SPOP: variants seen among roughly 807,000 people sequenced by gnomAD.
SPOP encodes the protein speckle-type POZ protein.
In SPOP, 11 loss-of-function variants were observed where a neutral mutation model predicts 45.6. The ratio of observed to expected loss-of-function variants is 0.24; its 90% CI spans 0.15 to 0.40. SPOP has a LOEUF of 0.40. SPOP is among the 10% of genes least tolerant of loss of function. The pLI is 1.00. For synonymous variants in SPOP, 166 were observed against 166.3 expected, an observed-to-expected ratio of 1.00 and a Z score of 0.01; for missense variants, 152 against 465.6, an observed-to-expected ratio of 0.33 and a Z score of 6.20.
chr17:49,677,102 A>G (rs1010369579), intron 1 of SPOP, among the ~76,000 whole-genome samples: 1 of 152,234 alleles, frequency 6.6e-6, no homozygotes, highest in Non-Finnish European at 1.5e-5. Flanking sequence ...AGTTCTGCGA[A>G]TTAAGAATTT....
chr17:49,669,114 G>A (rs1291461719), intron 1 of SPOP, among the ~76,000 whole-genome samples: 1 of 129,160 alleles, frequency 7.7e-6, no homozygotes, highest in African/African-American at 3.0e-5. Context: ...TCGCCCAGGC[G>A]GGAGTGCAGT....
chr17:49,629,371 G>C (rs894839778), intron 1 of SPOP, among the ~76,000 whole-genome samples: 9 of 151,960 alleles, frequency 5.9e-5, no homozygotes, highest in African/African-American at 9.7e-5. Context: ...TATCAGATTT[G>C]CAATGTAATG....
chr17:49,633,380 G>A (rs569020779), intron 1 of SPOP, among the ~76,000 whole-genome samples: 3 of 152,190 alleles, frequency 2.0e-5, no homozygotes, highest in Non-Finnish European at 4.4e-5. Flanking sequence ...ATCAAGCCTC[G>A]GTGTGTGCTG....
chr17:49,642,124 A>AT (rs1567791296), intron 1 of SPOP, among the ~76,000 whole-genome samples: 1 of 152,178 alleles, frequency 6.6e-6, no homozygotes, highest in African/African-American at 2.4e-5. Flanking sequence ...GCAAATCAGC[A>AT]TAACTATTAT....
rs2143265727 is a variant in SPOP at position 49,619,130 on chromosome 17, T to G, written c.353-22A>C. 6.2e-7 allele frequency: 1 copy of G among 1,612,950 alleles called. No individual in the cohort carries two copies. Among genetic ancestry groups the G allele is most frequent in the Non-Finnish European group, 8.5e-7 (1 of 1,179,610 alleles). On this transcript the variant is annotated intron_variant, in intron 4 of 9. Transcript: ENST00000504102. This position sits in a 1 kb window ranked among gnomAD's most constrained non-coding sequence, Gnocchi z 4.9. The stretch of plus-strand genomic sequence containing the variant: ...CTCTCTGGGGTGGGGAAAAAAAAAG[T>G]CATATTTAAGGTTACGCAAAAACCA...
chr17:49,661,140 A>T (rs974440328), intron 1 of SPOP, among the ~76,000 whole-genome samples: 2 of 152,126 alleles, frequency 1.3e-5, no homozygotes, highest in African/African-American at 4.8e-5. Context: ...AGTACCTACT[A>T]AAAAAATAGT....
At chr17:49,607,732 C>T (rs2071881556) in intron 7 of SPOP, 142 bp downstream of exon 7, 1 of 765,988 alleles carries the variant, frequency 1.3e-6, no homozygotes, top group Non-Finnish European at 2.2e-6. Context: ...CCACTTCTCT[C>T]TGCTCTCAGA....
At chr17:49,620,969 T>A (rs1416374289) in intron 3 of SPOP, among the ~76,000 whole-genome samples, 1 of 152,146 alleles carries the variant, frequency 6.6e-6, no homozygotes, top group Admixed American at 6.5e-5. Flanking sequence ...AAATGCACAA[T>A]ATATAGCCAA....
rs1407495857 is a variant in SPOP at position 49,607,364 on chromosome 17, A to T, written c.723T>A (p.Val241=). 3 of 1,612,992 alleles carry T rather than the reference A, an allele frequency of 1.9e-6. No homozygotes were observed. The highest frequency in any genetic ancestry group is 2.5e-6 in the Non-Finnish European group (3 of 1,179,352). The change falls in exon 8 of 10, where the codon GTT becomes GTA. Residue 241 remains valine, a synonymous_variant. Transcript: ENST00000504102. ...HEMEESKKNR[V]EINDVEPEVF... Reference sequence around the variant, plus strand: ...CTTCAGGCTCCACATCATTGATTTCAACTCGATTCTATGCCAGAAAAACTG... The same window carrying T: ...CTTCAGGCTCCACATCATTGATTTCTACTCGATTCTATGCCAGAAAAACTG...
intron 6 of SPOP, among the ~76,000 whole-genome samples, chr17:49,609,764 A>G (rs150804872): frequency 2.7e-4 from 41 of 152,134 alleles, no homozygotes; most frequent in East Asian, 1.2e-3. Flanking sequence ...AGTTCTGGGG[A>G]AAAGAGAGAG....
chr17:49,652,194 A>G (rs2072852149), intron 1 of SPOP, among the ~76,000 whole-genome samples: 1 of 152,166 alleles, frequency 6.6e-6, no homozygotes, highest in Admixed American at 6.5e-5. Flanking sequence ...AGGGGTGTAA[A>G]TATTTCAAAA....
At chr17:49,624,331 G>GCGCGCGCGCACA (rs71352523) in intron 1 of SPOP, among the ~76,000 whole-genome samples, 3 of 149,222 alleles carry the variant, frequency 2.0e-5, no homozygotes, top group African/African-American at 7.5e-5. Context: ...GCGCGCGCGC[G>GCGCGCGCGCACA]CACACACACA....
intron 1 of SPOP, among the ~76,000 whole-genome samples, chr17:49,643,524 C>T (rs1198293923): frequency 1.3e-5 from 2 of 152,278 alleles, no homozygotes; most frequent in East Asian, 1.9e-4. Flanking sequence ...CTTCAAGAAA[C>T]CCTTCTATAA....
intron 1 of SPOP, among the ~76,000 whole-genome samples, chr17:49,657,508 C>T (rs1471828948): frequency 6.6e-6 from 1 of 151,040 alleles, no homozygotes; most frequent in African/African-American, 2.4e-5. Context: ...TAACGATTCT[C>T]CTGCCTCGGC....
chr17:49,614,837 G>C (rs1444927503), intron 5 of SPOP, among the ~76,000 whole-genome samples: 1 of 133,486 alleles, frequency 7.5e-6, no homozygotes, highest in African/African-American at 2.6e-5. Context: ...GTGTGTGTGT[G>C]TGTGTGTATA....
At chr17:49,651,263 T>A (rs1222228017) in intron 1 of SPOP, among the ~76,000 whole-genome samples, 1 of 152,124 alleles carries the variant, frequency 6.6e-6, no homozygotes, top group African/African-American at 2.4e-5. Flanking sequence ...CACCAAATTC[T>A]CCTCATTATC....
intron 1 of SPOP, chr17:49,636,641 G>A (rs2072547731): frequency 6.6e-6 from 1 of 152,102 alleles, no homozygotes; most frequent in African/African-American, 2.4e-5. Context: ...AAATGAAACA[G>A]TAGATTGTAC....
rs1364371250 is a variant in SPOP at position 49,619,115 on chromosome 17, TG to T, written c.353-8del. ...CTATATGCCCGTTGACTCTCTGGGG[TG>T]GGGAAAAAAAAAGTCATATTTAAGG... is the stretch of plus-strand genomic sequence containing the variant. On this transcript the variant is annotated splice_region_variant and splice_polypyrimidine_tract_variant and intron_variant, in intron 4 of 9. Transcript: ENST00000504102. The surrounding 1 kb of genome is among the most constrained non-coding windows in gnomAD (Gnocchi z 4.9). The T allele has an allele frequency of 1.2e-6, 2 of 1,611,980 alleles. No individual in the cohort carries two copies. Among genetic ancestry groups the T allele is most frequent in the South Asian group, 1.1e-5 (1 of 90,948 alleles).
At chr17:49,654,148 T>C (rs957921691) in intron 1 of SPOP, among the ~76,000 whole-genome samples, 4 of 152,250 alleles carry the variant, frequency 2.6e-5, no homozygotes, top group East Asian at 1.9e-4. Context: ...TGACAAAGGA[T>C]ACCTATTAAT....
Sources: gnomAD v4.1 joint callset for allele counts (sites outside exome capture counted in the v4.1 genomes callset) on GRCh38, gnomAD v4.1.1 for gene constraint, Gnocchi (gnomAD v3.1) non-coding constraint, MANE v1.5 for transcripts, NCBI Gene and HGNC (gene_info 2026-07-23, HGNC 2026-07-21) for gene names.